Variants in DNAH5 observed in about 807,000 individuals in gnomAD.
DNAH5 encodes the protein dynein axonemal heavy chain 5.
DNAH5 carries 372 observed loss-of-function variants against 518.2 expected under a neutral mutation model. That is an observed-to-expected ratio of 0.72 (90% CI 0.66 to 0.78). The LOEUF (loss-of-function observed/expected upper bound fraction) is 0.78, where lower values mean the gene tolerates loss of function less well. DNAH5 is among the 30% of genes least tolerant of loss of function. The pLI, the probability that DNAH5 is intolerant of heterozygous loss-of-function variation, is 0.00. For missense variants in DNAH5, 5,523 were observed against 5,687.0 expected (o/e 0.97, Z 0.93); for synonymous variants, 2,039 against 2,025.9 (o/e 1.01, Z -0.17).
Position 13,760,893 on chromosome 5 carries a change from G to A in DNAH5, c.10281+1829C>T, listed in dbSNP as rs75450628. Among the ~76,000 whole-genome samples, 33 of 152,284 alleles carry A rather than the reference G, an allele frequency of 2.2e-4. No individual in the cohort carries two copies. The East Asian group carries it at 5.8e-3, about 27-fold the overall frequency. Reference sequence around the variant, plus strand: ...CACCTGGTGACAATATGCACTCACTGCCTCTTCTACTCCTCCCTACACAGT... The same window carrying A: ...CACCTGGTGACAATATGCACTCACTACCTCTTCTACTCCTCCCTACACAGT... On this transcript the variant is annotated intron_variant, in intron 60 of 78. Transcript: ENST00000265104.
intron 1 of DNAH5, among the ~76,000 whole-genome samples, chr5:13,965,984 C>G (rs925566343): frequency 5.9e-5 from 9 of 151,866 alleles, no homozygotes; most frequent in East Asian, 1.9e-4. Context: ...CCCTCACCCC[C>G]CTCCCATCCT....
At chr5:13,918,539 G>A (rs1275212992) in intron 7 of DNAH5, among the ~76,000 whole-genome samples, 1 of 152,058 alleles carries the variant, frequency 6.6e-6, no homozygotes, top group African/African-American at 2.4e-5. Flanking sequence ...GCACGACCTC[G>A]GCTCACTGCA....
intron 65 of DNAH5, 54 bp from the exon 66 acceptor site, chr5:13,737,549 A>G (rs565964066): frequency 1.3e-6 from 2 of 1,576,678 alleles, no homozygotes; most frequent in African/African-American, 2.7e-5. Flanking sequence ...CTTGTTGAGT[A>G]TTCCTTAAGA....
At chr5:13,771,346 ATT>A in intron 55 of DNAH5, 1 of 275,646 alleles carries the variant, frequency 3.6e-6, no homozygotes, top group Non-Finnish European at 7.0e-6. Flanking sequence ...TGGTACTCAT[ATT>A]TAACAATGCC....
chr5:13,809,016 T>C (rs753071842), intron 46 of DNAH5, 28 bp downstream of exon 46: 4 of 1,612,576 alleles, frequency 2.5e-6, no homozygotes, highest in Non-Finnish European at 3.4e-6. Flanking sequence ...TAAAATATGC[T>C]ACAGTTAATA....
chr5:13,823,489 C>T, intron 39 of DNAH5, 119 bp from the exon 40 acceptor site: 1 of 702,100 alleles, frequency 1.4e-6, no homozygotes, highest in East Asian at 2.6e-5. Flanking sequence ...TAACAAATAA[C>T]ATATCACCTT....
chr5:13,705,094 C>T (rs1429754572), intron 76 of DNAH5, among the ~76,000 whole-genome samples: 2 of 152,022 alleles, frequency 1.3e-5, no homozygotes, highest in African/African-American at 4.8e-5. Context: ...CAGGTTCACG[C>T]CATTCTCCTG....
chr5:13,778,136 G>A (rs931563083), intron 53 of DNAH5, among the ~76,000 whole-genome samples: 1 of 152,116 alleles, frequency 6.6e-6, no homozygotes, highest in African/African-American at 2.4e-5. Context: ...AGAGCCATCT[G>A]ATTTTTTAAA....
At chr5:13,983,214 G>A (rs1400372975) in intron 1 of DNAH5, among the ~76,000 whole-genome samples, 2 of 152,172 alleles carry the variant, frequency 1.3e-5, no homozygotes, top group East Asian at 3.9e-4. Flanking sequence ...TGAGGGCTGA[G>A]AACACCTTCC....
intron 51 of DNAH5, among the ~76,000 whole-genome samples, chr5:13,786,780 C>G (rs987544622): frequency 7.9e-5 from 12 of 151,982 alleles, no homozygotes; most frequent in Admixed American, 5.9e-4. Context: ...ATTCATGAAT[C>G]TCAGGTCAGT....
rs781701462 is a variant in DNAH5 at position 13,814,674 on chromosome 5, A to G, written c.7161T>C (p.Pro2387=). 4 of 1,614,148 alleles carry G rather than the reference A, an allele frequency of 2.5e-6. No individual in the cohort carries two copies. In the South Asian group the frequency reaches 4.4e-5, roughly 18 times the overall value. The change falls in exon 43 of 79, where the codon CCT becomes CCC. Residue 2387 remains proline (P), a synonymous_variant. Coordinates refer to ENST00000265104, the MANE Select transcript of DNAH5 (RefSeq NM_001369.3). Reference sequence around the variant, plus strand: ...CCATTCCATTTCTTGAGACGGTGGCAGGAGAAGCATTGTCAATGTTATGAG... The same window carrying G: ...CCATTCCATTTCTTGAGACGGTGGCGGGAGAAGCATTGTCAATGTTATGAG... ...FEPHNIDNAS[P]ATVSRNGMVF... is the part of the protein sequence containing the mutation.
chr5:13,871,580 G>A lies in DNAH5; in HGVS notation c.3582C>T (p.Ser1194=). ...NAEPEYVCVG[S]IALYTADLKF... The stretch of plus-strand genomic sequence containing the variant: ...TGAACCAACCTGTGTACAGAGCAAT[G>A]GAACCCACACAGACATATTCAGGCT... The change falls in exon 23 of 79, where the codon TCC becomes TCT. Residue 1194 remains serine, a synonymous_variant. Coordinates refer to ENST00000265104, the MANE Select transcript of DNAH5 (RefSeq NM_001369.3). 6.2e-7 allele frequency: 1 copy of A among 1,613,364 alleles called. No homozygotes were observed. Among genetic ancestry groups the A allele is most frequent in the Non-Finnish European group, 8.5e-7 (1 of 1,179,538 alleles).
At chr5:13,710,658 C>T (rs1408595622) in intron 75 of DNAH5, among the ~76,000 whole-genome samples, 1 of 151,972 alleles carries the variant, frequency 6.6e-6, no homozygotes, top group East Asian at 1.9e-4. Flanking sequence ...ATCCAAATAA[C>T]CTCACTGAGA....
intron 48 of DNAH5, 69 bp downstream of exon 48, chr5:13,793,867 T>G (rs1325515325): frequency 1.3e-6 from 2 of 1,568,574 alleles, no homozygotes; most frequent in African/African-American, 2.8e-5. Flanking sequence ...AAAAAAATTT[T>G]TAAAAACTCT....
chr5:13,950,601 T>C (rs1190380459), intron 1 of DNAH5, among the ~76,000 whole-genome samples: 1 of 152,174 alleles, frequency 6.6e-6, no homozygotes, highest in Non-Finnish European at 1.5e-5. Context: ...AAAGCTGTAG[T>C]GCTTTCTGAA....
chr5:13,736,406 T>G (rs1457831516), intron 66 of DNAH5, among the ~76,000 whole-genome samples: 1 of 151,780 alleles, frequency 6.6e-6, no homozygotes, highest in Non-Finnish European at 1.5e-5. Flanking sequence ...TTATTATTAT[T>G]TTGTTGATAC....
chr5:13,945,577 A>G (rs563472072), upstream of DNAH5, among the ~76,000 whole-genome samples: 1 of 152,134 alleles, frequency 6.6e-6, no homozygotes, highest in South Asian at 2.1e-4. Flanking sequence ...TAACTAGAAC[A>G]CAGGAAGTTT....
rs201469471 is a variant in DNAH5 at position 13,811,745 on chromosome 5, G to C, written c.7309C>G (p.Arg2437Gly). 6.0e-5 allele frequency: 97 copies of C among 1,613,992 alleles called. 2 individuals carry two copies. The South Asian group carries it at 9.0e-4, about 15-fold the overall frequency. The change falls in exon 44 of 79, where the codon CGC becomes GGC. Residue 2437 changes from arginine to glycine, a missense_variant. Transcript: ENST00000265104. Reference sequence around the variant, plus strand: ...TATTCTAAGTTCTGGATACAGAAGCGATACAAGTCTGGGAAAGACTCGGTG... The same window carrying C: ...TATTCTAAGTTCTGGATACAGAAGCCATACAAGTCTGGGAAAGACTCGGTG... ...LYTESFPDLY[R>G]FCIQNLEYKM...
intron 1 of DNAH5, among the ~76,000 whole-genome samples, chr5:13,952,187 T>A (rs1017004916): frequency 1.3e-5 from 2 of 151,958 alleles, no homozygotes; most frequent in African/African-American, 4.8e-5. Flanking sequence ...CAAATAAAAA[T>A]CCGTGAAAAT....
Sources: gnomAD v4.1 joint callset for allele counts (sites outside exome capture counted in the v4.1 genomes callset) on GRCh38, gnomAD v4.1.1 for gene constraint, MANE v1.5 for transcripts, NCBI Gene and HGNC (gene_info 2026-07-23, HGNC 2026-07-21) for gene names.